Variants in PDSS1 observed in about 807,000 individuals in gnomAD.
PDSS1 encodes the protein decaprenyl diphosphate synthase subunit 1, also known as all trans-polyprenyl-diphosphate synthase PDSS1.
PDSS1 carries 43 observed loss-of-function variants against 57.5 expected under a neutral mutation model. That is an observed-to-expected ratio of 0.75 (90% CI 0.59 to 0.96). The LOEUF is 0.96. Among genes scored for constraint, PDSS1 ranks in the 50% least tolerant of loss-of-function variants. PDSS1 has a pLI of 0.00. For synonymous variants in PDSS1, 175 were observed against 191.3 expected (o/e 0.91, Z 0.70); for missense variants, 438 against 527.8 (o/e 0.83, Z 1.67).
intron 11 of PDSS1, among the ~76,000 whole-genome samples, chr10:26,743,263 TG>T (rs1836691491): frequency 6.6e-6 from 1 of 152,222 alleles, no homozygotes; most frequent in Admixed American, 6.5e-5. Flanking sequence ...CCTGTGAGAA[TG>T]AGCCATTTCC....
At chr10:26,701,749 GTCC>G in intron 1 of PDSS1, 1 of 451,220 alleles carries the variant, frequency 2.2e-6, no homozygotes, top group Non-Finnish European at 4.4e-6. Context: ...CCCACACGGA[GTCC>G]CTGCTGGGGC....
chr10:26,729,841 A>C (rs146089321), intron 8 of PDSS1, among the ~76,000 whole-genome samples: 48 of 151,822 alleles, frequency 3.2e-4, no homozygotes, highest in African/African-American at 1.1e-3. Flanking sequence ...GGTCATTACC[A>C]AGGTCTGATT....
intron 4 of PDSS1, 52 bp downstream of exon 4, chr10:26,705,446 TA>T: frequency 1.4e-6 from 1 of 736,494 alleles, no homozygotes; most frequent in Non-Finnish European, 2.2e-6. Context: ...CAAAACTTAC[TA>T]AAATTTTATT....
At chr10:26,741,501 A>C (rs776235449) in intron 10 of PDSS1, among the ~76,000 whole-genome samples, 1 of 151,890 alleles carries the variant, frequency 6.6e-6, no homozygotes, top group Non-Finnish European at 1.5e-5. Context: ...GGGGGGAAAA[A>C]CAACAAAAAA....
chr10:26,739,396 A>T (rs184806083), intron 10 of PDSS1, among the ~76,000 whole-genome samples: 30 of 152,298 alleles, frequency 2.0e-4, no homozygotes, highest in Non-Finnish European at 1.2e-4. Context: ...CCACATACAC[A>T]TTAAGGGGAC....
chr10:26,709,953 C>T (rs1835370346), intron 5 of PDSS1, among the ~76,000 whole-genome samples, 185 bp downstream of exon 5: 1 of 151,990 alleles, frequency 6.6e-6, no homozygotes, highest in African/African-American at 2.4e-5. Flanking sequence ...GAGTTTGAGA[C>T]CAGCCTGGCC....
At chr10:26,734,174 C>T (rs1341019992) in intron 8 of PDSS1, among the ~76,000 whole-genome samples, 2 of 152,226 alleles carry the variant, frequency 1.3e-5, no homozygotes, top group African/African-American at 2.4e-5. Flanking sequence ...TGCAGCCCCA[C>T]AGTCTCACAG....
In PDSS1 at chr10:26,724,242, T is replaced by C. The variant is rs1410796610; in HGVS notation, c.831+119T>C. The C allele has an allele frequency of 8.0e-6, 6 of 748,682 alleles. No individual in the cohort carries two copies. In the African/African-American group the frequency reaches 8.7e-5, roughly 11 times the overall value. 46.4% of individuals were successfully genotyped at this position (748,682 alleles called of 1,614,324 possible). A position where few individuals can be genotyped will look rare whatever the true frequency, so the allele number is the denominator to read the frequency against. On this transcript the variant is annotated intron_variant, in intron 8 of 11. Transcript: ENST00000376215. ...ATAGTACCCAAAAATCCCAAGAGGT[T>C]AATGAGGAAAAGAATGACATCCCCA...
intron 10 of PDSS1, chr10:26,740,638 C>T (rs1224526605): frequency 2.2e-6 from 1 of 456,580 alleles, no homozygotes. Flanking sequence ...CTTATTTCAT[C>T]CTTCAGGTTC....
At chr10:26,720,037 G>C (rs1835733377) in intron 5 of PDSS1, 181 bp from the exon 6 acceptor site, 4 of 771,482 alleles carry the variant, frequency 5.2e-6, no homozygotes, top group Non-Finnish European at 8.2e-6. Context: ...AGTTGTGGCA[G>C]GGTTTCTCAT....
At chr10:26,742,018 G>A (rs1323833628) in intron 10 of PDSS1, among the ~76,000 whole-genome samples, 1 of 152,178 alleles carries the variant, frequency 6.6e-6, no homozygotes, top group Non-Finnish European at 1.5e-5. Context: ...TGGGATTACA[G>A]GCGTGCACCA....
chr10:26,708,243 C>T (rs531136735), intron 4 of PDSS1, among the ~76,000 whole-genome samples: 10 of 152,204 alleles, frequency 6.6e-5, no homozygotes, highest in Non-Finnish European at 1.0e-4. Flanking sequence ...GTTGTGTTCA[C>T]CTGTGCCGAG....
intron 1 of PDSS1, among the ~76,000 whole-genome samples, chr10:26,701,293 A>T (rs1368698685): frequency 6.6e-6 from 1 of 152,262 alleles, no homozygotes; most frequent in Non-Finnish European, 1.5e-5. Context: ...ACATTTGCAT[A>T]AGTAACAAGG....
chr10:26,698,864 C>T (rs936973267), intron 1 of PDSS1, among the ~76,000 whole-genome samples: 2 of 152,216 alleles, frequency 1.3e-5, no homozygotes, highest in Admixed American at 1.3e-4. Context: ...TGGCTCACAC[C>T]TGTAATCCCA....
In PDSS1 at chr10:26,697,746, G is replaced by T. The variant is rs1349152950; in HGVS notation, c.35G>T (p.Cys12Phe). ...CGCTGGTGGCGGTGGCGGCGCGGCT[G>T]CTCCTGGAAGCCGGCGGCGCGGAGC... ...ASRWWRWRRGCSWKPAARSPG... is the reference protein window; with the variant it reads ...ASRWWRWRRGFSWKPAARSPG... Residue 12 changes from cysteine to phenylalanine, a missense_variant, in exon 1 of 12, where the codon TGC (cysteine) becomes TTC (phenylalanine). Cys to Phe is a radical substitution (Grantham distance 205). Coordinates refer to ENST00000376215, the MANE Select transcript of PDSS1 (RefSeq NM_014317.5). 1 of 1,294,032 alleles carries T rather than the reference G, an allele frequency of 7.7e-7. No individual in the cohort carries two copies. The highest frequency in any genetic ancestry group is 9.7e-7 in the Non-Finnish European group (1 of 1,025,888). The allele number at this position is 1,294,032 out of a possible 1,614,324, so 80.2% of individuals were successfully genotyped here.
intron 11 of PDSS1, among the ~76,000 whole-genome samples, chr10:26,745,114 A>G (rs910257236): frequency 3.3e-5 from 5 of 152,156 alleles, no homozygotes; most frequent in Non-Finnish European, 5.9e-5. Flanking sequence ...CAGTGAGCCA[A>G]GATCACGCCA....
intron 10 of PDSS1, among the ~76,000 whole-genome samples, chr10:26,738,134 A>T (rs1014309115): frequency 1.3e-5 from 2 of 152,246 alleles, no homozygotes; most frequent in Non-Finnish European, 2.9e-5. Flanking sequence ...GAAATGTGTC[A>T]AAAGATATAT....
chr10:26,713,368 G>A (rs1835458029), intron 5 of PDSS1, among the ~76,000 whole-genome samples: 1 of 152,068 alleles, frequency 6.6e-6, no homozygotes, highest in South Asian at 2.1e-4. Flanking sequence ...AACGATAGAA[G>A]GTATATCTTA....
At chr10:26,744,289 G>A (rs1013939499) in intron 11 of PDSS1, among the ~76,000 whole-genome samples, 4 of 152,140 alleles carry the variant, frequency 2.6e-5, no homozygotes, top group African/African-American at 9.7e-5. Flanking sequence ...TTTAAACCTA[G>A]GATCCATTAA....
Sources: allele counts gnomAD v4.1 joint callset (sites outside exome capture counted in the v4.1 genomes callset), GRCh38; gene constraint gnomAD v4.1.1; transcripts MANE v1.5; gene names NCBI Gene and HGNC (gene_info 2026-07-23, HGNC 2026-07-21).